F8: variants seen among roughly 807,000 people sequenced by gnomAD.
The protein encoded by F8 is antihemophilic factor.
Under a neutral mutation model 140.6 loss-of-function variants are expected in F8, and 12 were observed. That is an observed-to-expected ratio of 0.09 (90% CI 0.05 to 0.14). The LOEUF is 0.14. F8 is among the 10% of genes least tolerant of loss of function. F8 has a pLI of 1.00. For synonymous variants in F8, 585 were observed against 614.6 expected (o/e 0.95, Z 0.71); for missense variants, 1,354 against 1,720.7 (o/e 0.79, Z 3.77).
At chrX:154,998,273 C>T (rs2073628531) in intron 2 of F8, among the ~76,000 whole-genome samples, 1 of 113,101 alleles carries the variant, frequency 8.8e-6, no homozygotes. Flanking sequence ...CAGAAATCTG[C>T]AATATGTAAA....
intron 14 of F8, among the ~76,000 whole-genome samples, chrX:154,921,663 AT>A (rs1326630389): frequency 8.9e-6 from 1 of 111,960 alleles, no homozygotes; most frequent in Admixed American, 9.4e-5. Context: ...GATTAAGAAA[AT>A]GTGGCACATA....
chrX:154,865,145 A>G (rs190684165), intron 22 of F8, among the ~76,000 whole-genome samples: 103 of 111,730 alleles, frequency 9.2e-4, no homozygotes, highest in African/African-American at 3.2e-3. Flanking sequence ...TGGATATCTC[A>G]GCAGAAACCT....
chrX:154,982,413 A>C (rs1261071005), intron 6 of F8, among the ~76,000 whole-genome samples: 10 of 97,234 alleles, frequency 1.0e-4, no homozygotes, highest in East Asian at 6.3e-4. Context: ...GCGCCACTGC[A>C]CTCCAGCCTG....
At chrX:154,875,774 TAGAG>T (rs1474788295) in intron 22 of F8, among the ~76,000 whole-genome samples, 1 of 95,659 alleles carries the variant, frequency 1.0e-5, no homozygotes, top group South Asian at 4.5e-4. Context: ...TGTGTGTGTG[TAGAG>T]AGAGAGAGAG....
rs185511439 is a variant in F8 at position 154,981,996 on chromosome X, A to T, written c.787+2691T>A. Among the ~76,000 whole-genome samples, 542 of 105,135 alleles carry T rather than the reference A, an allele frequency of 5.2e-3. 1 individual carries two copies. Among genetic ancestry groups the T allele is most frequent in the Non-Finnish European group, 6.1e-3 (312 of 51,034 alleles). The allele number at this position is 105,135 out of a possible 115,157, so 91.3% of individuals were successfully genotyped here. On this transcript the variant is annotated intron_variant, in intron 6 of 25. Transcript: ENST00000360256. ...GTCAGGAGTTCAAGACCGGCCTGGCAAACATGGTGAAACCCCATCTCTACT... is the reference window on the plus strand; with the variant it reads ...GTCAGGAGTTCAAGACCGGCCTGGCTAACATGGTGAAACCCCATCTCTACT...
chrX:154,921,797 T>C (rs894446339), intron 14 of F8, among the ~76,000 whole-genome samples: 4 of 108,032 alleles, frequency 3.7e-5, no homozygotes, highest in African/African-American at 1.0e-4. Flanking sequence ...CCAAACACTG[T>C]ATGTTCTCAC....
At chrX:154,848,324 G>T (rs1376381915) in intron 25 of F8, among the ~76,000 whole-genome samples, 1 of 112,757 alleles carries the variant, frequency 8.9e-6, no homozygotes, top group Non-Finnish European at 1.9e-5. Context: ...GTCAGACAGG[G>T]ACATTTAAGT....
intron 11 of F8, among the ~76,000 whole-genome samples, chrX:154,954,304 C>T (rs1217583866): frequency 1.8e-5 from 2 of 111,640 alleles, no homozygotes; most frequent in Non-Finnish European, 3.8e-5. Context: ...CACCCAAGGC[C>T]ATATGCTAGC....
chrX:155,001,470 T>C (rs1216364824), intron 1 of F8, among the ~76,000 whole-genome samples: 1 of 109,773 alleles, frequency 9.1e-6, no homozygotes, highest in Non-Finnish European at 1.9e-5. Context: ...TTAATGTTTT[T>C]GTAGAGACAG....
chrX:154,940,858 A>G (rs1351170066), intron 13 of F8, among the ~76,000 whole-genome samples: 1 of 112,350 alleles, frequency 8.9e-6, no homozygotes, highest in African/African-American at 3.2e-5. Flanking sequence ...GGGGGCCAAC[A>G]TTCAACATTC....
At chrX:154,862,642 TTTTCTG>T (rs2148567824) in intron 23 of F8, among the ~76,000 whole-genome samples, 1 of 111,754 alleles carries the variant, frequency 8.9e-6, no homozygotes, top group African/African-American at 3.3e-5. Flanking sequence ...TGATATTTGG[TTTTCTG>T]TTCCTGCATT....
intron 14 of F8, chrX:154,919,722 C>G: frequency 2.8e-6 from 1 of 354,656 alleles, no homozygotes; most frequent in African/African-American, 2.7e-5. Context: ...CCAGGGCTCT[C>G]TATTACTGAA....
intron 19 of F8, among the ~76,000 whole-genome samples, chrX:154,901,801 T>A (rs1402372156): frequency 2.7e-5 from 3 of 111,618 alleles, no homozygotes; most frequent in African/African-American, 9.8e-5. Flanking sequence ...CTTTACCAAG[T>A]TGTGAAAATG....
chrX:154,990,206 G>A (rs1557284543), intron 4 of F8, among the ~76,000 whole-genome samples: 1 of 111,417 alleles, frequency 9.0e-6, no homozygotes, highest in African/African-American at 3.3e-5. Context: ...TTAGATTTAA[G>A]CCTATCATTT....
chrX:154,957,233 C>A, intron 10 of F8, 62 bp from the exon 11 acceptor site: 1 of 916,964 alleles, frequency 1.1e-6, no homozygotes, highest in South Asian at 2.0e-5. Flanking sequence ...TATTGATAAT[C>A]ATGTTGTTGT....
intron 6 of F8, among the ~76,000 whole-genome samples, chrX:154,977,201 T>C (rs2124119765): frequency 8.9e-6 from 1 of 112,324 alleles, no homozygotes; most frequent in African/African-American, 3.2e-5. Flanking sequence ...TTTGATGTCA[T>C]CATTTACATC....
At chrX:154,976,135 T>C (rs183409304) in intron 6 of F8, among the ~76,000 whole-genome samples, 1 of 112,117 alleles carries the variant, frequency 8.9e-6, no homozygotes. Flanking sequence ...CTTCAGGTGA[T>C]CCACCCGCCT....
intron 22 of F8, among the ~76,000 whole-genome samples, chrX:154,895,824 C>T (rs1312847445): frequency 8.9e-6 from 1 of 111,923 alleles, no homozygotes; most frequent in African/African-American, 3.3e-5. Context: ...CATAAGCAAG[C>T]TCACAATCAT....
intron 13 of F8, among the ~76,000 whole-genome samples, chrX:154,946,368 A>G (rs1557280292): frequency 1.8e-5 from 2 of 112,231 alleles, no homozygotes; most frequent in African/African-American, 6.5e-5. Context: ...GTACTGGCAT[A>G]AAACCAGAAA....
Sources: gnomAD v4.1 joint callset for allele counts (sites outside exome capture counted in the v4.1 genomes callset) on GRCh38, gnomAD v4.1.1 for gene constraint, MANE v1.5 for transcripts, NCBI Gene and HGNC (gene_info 2026-07-23, HGNC 2026-07-21) for gene names.